The following TRAPPC9 variants were observed in gnomAD, a reference collection of about 807,000 sequenced individuals.
TRAPPC9 encodes the protein trafficking protein particle complex subunit 9.
TRAPPC9 carries 83 observed loss-of-function variants against 124.0 expected under a neutral mutation model. The observed-to-expected ratio is 0.67, with a 90% CI of 0.56 to 0.80. The LOEUF (loss-of-function observed/expected upper bound fraction) is 0.80, where lower values mean the gene tolerates loss of function less well. Among genes scored for constraint, TRAPPC9 ranks in the 30% least tolerant of loss-of-function variants. The pLI is 0.00. For synonymous variants in TRAPPC9, 638 were observed against 617.5 expected (o/e 1.03, Z -0.49); for missense variants, 1,302 against 1,508.3 (o/e 0.86, Z 2.27).
chr8:140,141,827 T>C (rs1005733679), intron 17 of TRAPPC9, among the ~76,000 whole-genome samples: 4 of 152,222 alleles, frequency 2.6e-5, no homozygotes, highest in African/African-American at 9.6e-5. Flanking sequence ...GTTATATATG[T>C]TAAGGGCAGG....
At chr8:139,762,007 G>T (rs937146608) in intron 21 of TRAPPC9, among the ~76,000 whole-genome samples, 5 of 151,696 alleles carry the variant, frequency 3.3e-5, no homozygotes, top group Non-Finnish European at 5.9e-5. Flanking sequence ...TGGATCTATA[G>T]GTGTCCCTCT....
At chr8:139,886,654 T>C (rs1017332035) in intron 20 of TRAPPC9, among the ~76,000 whole-genome samples, 1 of 152,232 alleles carries the variant, frequency 6.6e-6, no homozygotes, top group Non-Finnish European at 1.5e-5. Context: ...GTTTCTGACA[T>C]TCTCTAGTGA....
chr8:140,370,101 C>T (rs547418044), intron 8 of TRAPPC9, among the ~76,000 whole-genome samples: 50 of 151,676 alleles, frequency 3.3e-4, no homozygotes, highest in Middle Eastern at 3.4e-3. Flanking sequence ...GTGTATGTTT[C>T]CTATCTAAAA....
At chr8:139,782,829 C>G (rs1401190037) in intron 21 of TRAPPC9, among the ~76,000 whole-genome samples, 1 of 152,114 alleles carries the variant, frequency 6.6e-6, no homozygotes, top group Non-Finnish European at 1.5e-5. Flanking sequence ...TAAAAGGATT[C>G]AAGTCATACA....
chr8:139,758,023 TG>T (rs918194476), intron 21 of TRAPPC9, among the ~76,000 whole-genome samples: 1 of 152,224 alleles, frequency 6.6e-6, no homozygotes, highest in African/African-American at 2.4e-5. Flanking sequence ...CCCCAGGGAT[TG>T]GGCCTGGGCC....
chr8:140,034,572 A>G (rs1161851563), intron 17 of TRAPPC9, among the ~76,000 whole-genome samples: 4 of 152,236 alleles, frequency 2.6e-5, no homozygotes, highest in Non-Finnish European at 5.9e-5. Context: ...CATGCTCCAT[A>G]CCTAGTGCCT....
chr8:140,308,365 A>G (rs1212773127), intron 10 of TRAPPC9, among the ~76,000 whole-genome samples: 1 of 150,792 alleles, frequency 6.6e-6, no homozygotes, highest in African/African-American at 2.4e-5. Flanking sequence ...CAAATGTTCC[A>G]AAGACCTTCC....
intron 13 of TRAPPC9, among the ~76,000 whole-genome samples, chr8:140,287,178 T>G (rs75619578): frequency 0.058 from 8,852 of 152,056 alleles, 453 homozygotes; most frequent in African/African-American, 0.13. Context: ...GTAGGCCCTG[T>G]ATTTAGCCCA....
chr8:140,243,726 C>G (rs1190319184), intron 16 of TRAPPC9, among the ~76,000 whole-genome samples: 3 of 152,206 alleles, frequency 2.0e-5, no homozygotes, highest in Non-Finnish European at 4.4e-5. Context: ...CTATCATATC[C>G]CCATTTTTGA....
At chr8:139,862,827 G>A (rs1293508404) in intron 21 of TRAPPC9, among the ~76,000 whole-genome samples, 2 of 152,206 alleles carry the variant, frequency 1.3e-5, no homozygotes, top group Non-Finnish European at 2.9e-5. Context: ...ATGCACCAGG[G>A]CACTGCATTC....
intron 17 of TRAPPC9, among the ~76,000 whole-genome samples, chr8:140,032,605 G>C (rs1056456620): frequency 4.6e-5 from 7 of 152,152 alleles, no homozygotes; most frequent in Non-Finnish European, 7.3e-5. Context: ...CCATGGTACA[G>C]ATATGCTACA....
chr8:139,862,228 G>C (rs183823545), intron 21 of TRAPPC9, among the ~76,000 whole-genome samples: 11 of 152,378 alleles, frequency 7.2e-5, no homozygotes, highest in Non-Finnish European at 5.9e-5. Context: ...GGCCTGTGTT[G>C]CTTCACAAAA....
chr8:140,221,623 T>C (rs2063340761), intron 16 of TRAPPC9, 40 bp from the exon 17 acceptor site: 1 of 1,594,608 alleles, frequency 6.3e-7, no homozygotes, highest in African/African-American at 1.3e-5. Flanking sequence ...ACACGTCAGC[T>C]TGGTTTTGGG....
chr8:139,734,671 T>C (rs1818042052), intron 21 of TRAPPC9, among the ~76,000 whole-genome samples: 1 of 152,254 alleles, frequency 6.6e-6, no homozygotes, highest in African/African-American at 2.4e-5. Context: ...AGCTGGCTGC[T>C]GGCCCTTGCA....
At chr8:140,304,326 C>A (rs1481123286) in intron 10 of TRAPPC9, among the ~76,000 whole-genome samples, 2 of 152,148 alleles carry the variant, frequency 1.3e-5, no homozygotes, top group African/African-American at 2.4e-5. Context: ...AACTCCTGAC[C>A]TCCAGTGATC....
chr8:140,096,510 TAAG>T (rs749547908), intron 17 of TRAPPC9: 1 of 152,154 alleles, frequency 6.6e-6, no homozygotes, highest in Non-Finnish European at 1.5e-5. Context: ...GAAAAGAAGG[TAAG>T]AAGTAGCTGC....
chr8:139,948,847 G>A (rs1442671830), intron 19 of TRAPPC9, among the ~76,000 whole-genome samples: 1 of 152,254 alleles, frequency 6.6e-6, no homozygotes, highest in Middle Eastern at 3.4e-3. Context: ...AGAGGATGAG[G>A]TGGCGGATCA....
At chr8:140,109,257 T>G (rs2060720481) in intron 17 of TRAPPC9, among the ~76,000 whole-genome samples, 1 of 152,020 alleles carries the variant, frequency 6.6e-6, no homozygotes, top group African/African-American at 2.4e-5. Flanking sequence ...CAGGACATTC[T>G]GAGATGGGGA....
At chr8:139,770,436 G>A (rs1484222813) in intron 21 of TRAPPC9, among the ~76,000 whole-genome samples, 3 of 152,270 alleles carry the variant, frequency 2.0e-5, no homozygotes, top group Non-Finnish European at 4.4e-5. Context: ...CACAATGGGA[G>A]TGTCATCTTA....
Sources: allele counts gnomAD v4.1 joint callset (sites outside exome capture counted in the v4.1 genomes callset), GRCh38; gene constraint gnomAD v4.1.1; transcripts MANE v1.5; gene names NCBI Gene and HGNC (gene_info 2026-07-23, HGNC 2026-07-21).